Variants in ROBO1 observed in about 807,000 individuals in gnomAD.
ROBO1 encodes the protein roundabout guidance receptor 1.
A neutral mutation model predicts 195.9 loss-of-function variants in ROBO1; 149 were observed. The ratio of observed to expected loss-of-function variants is 0.76; its 90% CI spans 0.67 to 0.87. The LOEUF is 0.87. ROBO1 is among the 40% of genes least tolerant of loss of function. The probability of loss-of-function intolerance (pLI) is 0.00; values close to 1 mark genes in which losing one functional copy is unlikely to be tolerated. For missense variants in ROBO1, 1,933 were observed against 2,068.3 expected, an observed-to-expected ratio of 0.93 and a Z score of 1.27; for synonymous variants, 816 against 733.2, an observed-to-expected ratio of 1.11 and a Z score of -1.82.
At chr3:78,704,977 C>T (rs2081515564) in intron 8 of ROBO1, among the ~76,000 whole-genome samples, 1 of 152,160 alleles carries the variant, frequency 6.6e-6, no homozygotes, top group East Asian at 1.9e-4. Context: ...CCTGCTGATC[C>T]ATTTTTTCCA....
chr3:79,678,800 C>T (rs1452898021), intron 1 of ROBO1, among the ~76,000 whole-genome samples: 1 of 151,992 alleles, frequency 6.6e-6, no homozygotes, highest in African/African-American at 2.4e-5. Context: ...AGGGCCACTG[C>T]TTAGTTCTAA....
chr3:78,888,564 T>C (rs547548476), intron 4 of ROBO1, among the ~76,000 whole-genome samples: 10 of 152,324 alleles, frequency 6.6e-5, no homozygotes, highest in African/African-American at 2.4e-4. Flanking sequence ...TAAAATTAAG[T>C]AACCATTTCA....
intron 3 of ROBO1, among the ~76,000 whole-genome samples, chr3:79,008,887 C>CTGTGTGTGTG (rs1559586095): frequency 4.1e-5 from 3 of 73,502 alleles, no homozygotes; most frequent in African/African-American, 1.5e-4. Context: ...CTGCACCCAG[C>CTGTGTGTGTG]CGTGTGTGTG....
rs111487851 is a variant in ROBO1, at chr3:78,907,649, C to G, written c.499+30952G>C. Among the ~76,000 whole-genome samples the G allele has an allele frequency of 4.5e-3, 690 of 152,154 alleles. 6 individuals are homozygous for G. Among genetic ancestry groups the G allele is most frequent in the African/African-American group, 0.016 (663 of 41,538 alleles). On this transcript the variant is annotated intron_variant, in intron 4 of 30. Coordinates refer to ENST00000464233, the MANE Select transcript of ROBO1 (RefSeq NM_002941.4). ...GAAATATTACACTCATGAGTCATAA[C>G]AGTCTGATATAATTTACGTCATTTT...
At chr3:79,622,688 G>A (rs1945045856) in intron 1 of ROBO1, among the ~76,000 whole-genome samples, 1 of 152,198 alleles carries the variant, frequency 6.6e-6, no homozygotes, top group African/African-American at 2.4e-5. Flanking sequence ...TGATCTCCCT[G>A]GGCTTGAGCC....
Position 78,713,507 on chromosome 3 carries a change from A to G in ROBO1, c.1045+890T>C, listed in dbSNP as rs543882615. Among the ~76,000 whole-genome samples, 4 of 152,270 alleles carry G rather than the reference A, an allele frequency of 2.6e-5. No homozygotes were observed. The East Asian group carries it at 7.7e-4, about 29-fold the overall frequency. ...AACAGGAATTTTTTTTCCAACCAAT[A>G]AAATGTTTTTTAAAGGTCATTGCCT... On this transcript the variant is annotated intron_variant, in intron 8 of 30. Transcript: ENST00000464233.
At chr3:79,426,772 C>G (rs1481032614) in intron 2 of ROBO1, among the ~76,000 whole-genome samples, 2 of 152,096 alleles carry the variant, frequency 1.3e-5, no homozygotes, top group Non-Finnish European at 2.9e-5. Flanking sequence ...GGAAAACCAT[C>G]TAAGGTAACT....
chr3:79,756,094 A>G (rs147023166), intron 1 of ROBO1, among the ~76,000 whole-genome samples: 3 of 152,352 alleles, frequency 2.0e-5, no homozygotes, highest in East Asian at 1.9e-4. Context: ...CTTGTTTAGT[A>G]TATTACAGTC....
intron 2 of ROBO1, among the ~76,000 whole-genome samples, chr3:79,318,281 A>G (rs1266172121): frequency 6.6e-6 from 1 of 152,232 alleles, no homozygotes; most frequent in Non-Finnish European, 1.5e-5. Flanking sequence ...AGCAAAGTTG[A>G]CACATAAAGT....
intron 2 of ROBO1, among the ~76,000 whole-genome samples, chr3:79,170,197 C>T (rs954960741): frequency 2.0e-5 from 3 of 152,046 alleles, no homozygotes; most frequent in Non-Finnish European, 4.4e-5. Flanking sequence ...CAAATGGAAC[C>T]TTCAAGCTTT....
chr3:79,317,109 T>G (rs1046942569), intron 2 of ROBO1, among the ~76,000 whole-genome samples: 1 of 152,146 alleles, frequency 6.6e-6, no homozygotes, highest in Admixed American at 6.6e-5. Context: ...CCTCTCTTTA[T>G]AGAGAATTGA....
intron 1 of ROBO1, among the ~76,000 whole-genome samples, chr3:79,699,136 A>G (rs545454732): frequency 6.6e-6 from 1 of 151,014 alleles, no homozygotes; most frequent in Admixed American, 6.6e-5. Context: ...AGATGTAACC[A>G]TCTAAAATAA....
chr3:79,133,805 C>G (rs1397306170), intron 2 of ROBO1, among the ~76,000 whole-genome samples: 1 of 137,770 alleles, frequency 7.3e-6, no homozygotes, highest in Non-Finnish European at 1.5e-5. Flanking sequence ...TTTTCCCCAT[C>G]TTTGTGGTTT....
At chr3:78,863,209 G>C (rs1328646539) in intron 4 of ROBO1, among the ~76,000 whole-genome samples, 1 of 152,106 alleles carries the variant, frequency 6.6e-6, no homozygotes, top group African/African-American at 2.4e-5. Flanking sequence ...GGAAAAATGA[G>C]TTCACTAACG....
chr3:79,746,441 T>C (rs1030745276), intron 1 of ROBO1, among the ~76,000 whole-genome samples: 3 of 152,096 alleles, frequency 2.0e-5, no homozygotes, highest in African/African-American at 7.2e-5. Flanking sequence ...TTACAATTCC[T>C]ATTCTAATTT....
chr3:79,154,811 C>T (rs1027904099), intron 2 of ROBO1, among the ~76,000 whole-genome samples: 14 of 151,762 alleles, frequency 9.2e-5, no homozygotes, highest in African/African-American at 3.4e-4. Context: ...CCGAAGTAAG[C>T]TTTTGAAAGT....
chr3:79,348,343 C>A (rs1025463957), intron 2 of ROBO1, among the ~76,000 whole-genome samples: 4 of 151,996 alleles, frequency 2.6e-5, no homozygotes, highest in Non-Finnish European at 4.4e-5. Flanking sequence ...ACAGAAGCAC[C>A]TTTGATCATG....
chr3:79,505,376 G>A (rs1940335146), intron 2 of ROBO1, among the ~76,000 whole-genome samples: 1 of 152,082 alleles, frequency 6.6e-6, no homozygotes, highest in African/African-American at 2.4e-5. Context: ...GCCAAATTGC[G>A]ACAATGATAT....
chr3:79,157,388 AC>A (rs1258400430), intron 2 of ROBO1, among the ~76,000 whole-genome samples: 2 of 151,910 alleles, frequency 1.3e-5, no homozygotes, highest in Non-Finnish European at 2.9e-5. Context: ...TTAGAAACCA[AC>A]TGGGCATTCA....
Sources: gnomAD v4.1 joint callset for allele counts (sites outside exome capture counted in the v4.1 genomes callset) on GRCh38, gnomAD v4.1.1 for gene constraint, MANE v1.5 for transcripts, NCBI Gene and HGNC (gene_info 2026-07-23, HGNC 2026-07-21) for gene names.